DOK6: variants seen among roughly 807,000 people sequenced by gnomAD.
The protein encoded by DOK6 is downstream of tyrosine kinase 6.
A neutral mutation model predicts 44.0 loss-of-function variants in DOK6; 22 were observed. That is an observed-to-expected ratio of 0.50 (90% CI 0.36 to 0.71). The LOEUF is 0.71. Ranked by LOEUF, DOK6 falls within the 30% of genes least tolerant of loss-of-function variation. DOK6 has a pLI of 0.00. For missense variants in DOK6, 340 were observed against 416.4 expected, an observed-to-expected ratio of 0.82 and a Z score of 1.60; for synonymous variants, 166 against 145.5, an observed-to-expected ratio of 1.14 and a Z score of -1.01.
At chr18:69,837,570 C>CAAAA (rs74175394) in intron 7 of DOK6, among the ~76,000 whole-genome samples, 6 of 136,342 alleles carry the variant, frequency 4.4e-5, no homozygotes, top group East Asian at 2.1e-4. Context: ...AGGTGTTCAG[C>CAAAA]AAAAAAAAAA....
chr18:69,674,933 A>G (rs1240169941), intron 3 of DOK6, among the ~76,000 whole-genome samples: 2 of 152,130 alleles, frequency 1.3e-5, no homozygotes, highest in African/African-American at 4.8e-5. Context: ...TGAGTCCTGA[A>G]TTGTAAGAAT....
chr18:69,633,571 G>T (rs1452578672), intron 3 of DOK6, among the ~76,000 whole-genome samples: 14 of 152,022 alleles, frequency 9.2e-5, no homozygotes, highest in Non-Finnish European at 1.5e-5. Flanking sequence ...ATTGAAGGGG[G>T]ATTTCAAATT....
chr18:69,467,896 A>T (rs1038485018), intron 1 of DOK6, among the ~76,000 whole-genome samples: 14 of 152,140 alleles, frequency 9.2e-5, no homozygotes, highest in African/African-American at 3.1e-4. Context: ...TTCCAAAGGG[A>T]CTTGAAGGGG....
intron 2 of DOK6, among the ~76,000 whole-genome samples, chr18:69,572,056 A>G (rs1180563983): frequency 6.6e-6 from 1 of 152,148 alleles, no homozygotes; most frequent in Non-Finnish European, 1.5e-5. Flanking sequence ...GAAATCAATA[A>G]CAATGTATTA....
intron 2 of DOK6, among the ~76,000 whole-genome samples, chr18:69,598,369 T>C (rs1295608822): frequency 6.6e-6 from 1 of 151,908 alleles, no homozygotes; most frequent in Non-Finnish European, 1.5e-5. Flanking sequence ...CCTGTAAAAA[T>C]TCTACATTTG....
rs112741143 is a variant in DOK6 at position 69,647,073 on chromosome 18, C to T, written c.290-30661C>T. 3.3e-5 allele frequency among the ~76,000 whole-genome samples: 4 copies of T among 123,068 alleles called. 1 individual carries two copies. The highest frequency in any genetic ancestry group is 8.0e-3 in the Middle Eastern group (2 of 250). The allele number at this position is 123,068 out of a possible 152,430, so 80.7% of individuals were successfully genotyped here. On this transcript the variant is annotated intron_variant, in intron 3 of 7. Transcript: ENST00000382713. The stretch of plus-strand genomic sequence containing the variant: ...ATCTGTCTATCCTATCTGTCTATCC[C>T]ATCTGTCTATCCTATCTGTCTATCC...
intron 7 of DOK6, among the ~76,000 whole-genome samples, chr18:69,797,952 C>T (rs908837842): frequency 2.6e-5 from 4 of 152,098 alleles, no homozygotes; most frequent in African/African-American, 9.7e-5. Context: ...TCTAGAACTA[C>T]CAATAGCCTT....
chr18:69,455,156 C>CAAAAAAA (rs58451274), intron 1 of DOK6, among the ~76,000 whole-genome samples: 9 of 117,432 alleles, frequency 7.7e-5, no homozygotes, highest in Non-Finnish European at 8.8e-5. Context: ...ATAGCTATAG[C>CAAAAAAA]AAAAAAAAAA....
chr18:69,711,659 C>T (rs569855047), intron 5 of DOK6, among the ~76,000 whole-genome samples: 2 of 152,282 alleles, frequency 1.3e-5, no homozygotes, highest in Non-Finnish European at 2.9e-5. Flanking sequence ...CTCAGGGCAT[C>T]ACATATTTAT....
chr18:69,409,869 T>C (rs549293772), intron 1 of DOK6, among the ~76,000 whole-genome samples: 23 of 152,352 alleles, frequency 1.5e-4, no homozygotes, highest in African/African-American at 5.3e-4. Context: ...TTGAAAAATA[T>C]TCCTTTTTGT....
At chr18:69,603,949 G>A (rs1008516800) in intron 3 of DOK6, among the ~76,000 whole-genome samples, 14 of 152,016 alleles carry the variant, frequency 9.2e-5, no homozygotes, top group African/African-American at 2.2e-4. Context: ...TAAAGAAATA[G>A]GATCATAATT....
chr18:69,477,509 T>C (rs946756470), intron 1 of DOK6, among the ~76,000 whole-genome samples: 2 of 152,224 alleles, frequency 1.3e-5, no homozygotes, highest in African/African-American at 4.8e-5. Context: ...TCAACAGCTA[T>C]GACTTGAGCT....
intron 5 of DOK6, chr18:69,721,358 C>CA (rs1282564352): frequency 6.6e-6 from 1 of 152,162 alleles, no homozygotes; most frequent in Non-Finnish European, 1.5e-5. Flanking sequence ...ATTCCCTCTT[C>CA]AAACAGCAGG....
At chr18:69,566,144 T>TTTATTTATTTAC (rs1555713496) in intron 2 of DOK6, among the ~76,000 whole-genome samples, 67 of 144,726 alleles carry the variant, frequency 4.6e-4, no homozygotes, top group African/African-American at 1.6e-3. Context: ...TATTTATTTA[T>TTTATTTATTTAC]TTACTTATTT....
intron 1 of DOK6, among the ~76,000 whole-genome samples, chr18:69,553,758 T>C (rs919943005): frequency 1.3e-5 from 2 of 152,190 alleles, no homozygotes; most frequent in African/African-American, 4.8e-5. Context: ...AATCCAGTCA[T>C]TTACTTATTT....
At chr18:69,773,782 T>G (rs1979959047) in intron 7 of DOK6, among the ~76,000 whole-genome samples, 1 of 151,770 alleles carries the variant, frequency 6.6e-6, no homozygotes, top group African/African-American at 2.4e-5. Context: ...AGTACTGTGT[T>G]GTACACTTAA....
chr18:69,793,217 A>G (rs964914015), intron 7 of DOK6, among the ~76,000 whole-genome samples: 30 of 152,136 alleles, frequency 2.0e-4, no homozygotes, highest in African/African-American at 7.2e-4. Flanking sequence ...TTTGACCATG[A>G]TTTTCAGTTT....
At chr18:69,734,393 C>CAAAAAAAAAA (rs60831756) in intron 5 of DOK6, among the ~76,000 whole-genome samples, 7 of 48,500 alleles carry the variant, frequency 1.4e-4, no homozygotes, top group East Asian at 1.5e-3. Flanking sequence ...TTCATAGCAG[C>CAAAAAAAAAA]AAAAAAAAAA....
chr18:69,774,538 G>A (rs1034638403), intron 7 of DOK6, among the ~76,000 whole-genome samples: 2 of 151,888 alleles, frequency 1.3e-5, no homozygotes, highest in Non-Finnish European at 2.9e-5. Context: ...TAAGAGGGTA[G>A]ATCTCATGTT....
Sources: gnomAD v4.1 joint callset for allele counts (sites outside exome capture counted in the v4.1 genomes callset) on GRCh38, gnomAD v4.1.1 for gene constraint, MANE v1.5 for transcripts, NCBI Gene and HGNC (gene_info 2026-07-23, HGNC 2026-07-21) for gene names.